The following ARID5B variants were observed in gnomAD, a reference collection of about 807,000 sequenced individuals.
The protein encoded by ARID5B is AT-rich interaction domain 5B, also known as AT-rich interactive domain-containing protein 5B.
In ARID5B, 13 loss-of-function variants were observed where a neutral mutation model predicts 97.2. The ratio of observed to expected loss-of-function variants is 0.13; its 90% CI spans 0.09 to 0.21. The LOEUF is 0.21. Among genes scored for constraint, ARID5B ranks in the 10% least tolerant of loss-of-function variants. The pLI is 1.00. For synonymous variants in ARID5B, 556 were observed against 570.3 expected (o/e 0.97, Z 0.36); for missense variants, 1,210 against 1,465.3 (o/e 0.83, Z 2.84).
intron 4 of ARID5B, among the ~76,000 whole-genome samples, chr10:62,006,271 T>C (rs1418128836): frequency 1.3e-5 from 2 of 152,040 alleles, no homozygotes; most frequent in Admixed American, 1.3e-4. Context: ...GTGAAACCTC[T>C]TCTCTACTAA....
chr10:61,983,612 A>G (rs1225249959), intron 3 of ARID5B, among the ~76,000 whole-genome samples: 1 of 152,188 alleles, frequency 6.6e-6, no homozygotes, highest in Non-Finnish European at 1.5e-5. Flanking sequence ...TGAGGAAAAA[A>G]AAATCACATC....
chr10:62,068,435 T>A, intron 7 of ARID5B, among the ~76,000 whole-genome samples: 1 of 152,110 alleles, frequency 6.6e-6, no homozygotes, highest in Admixed American at 6.6e-5. Context: ...CTATTTGAAA[T>A]AGAAAAGGTA....
chr10:62,015,178 G>A (rs1054081501), intron 4 of ARID5B, among the ~76,000 whole-genome samples: 5 of 152,330 alleles, frequency 3.3e-5, no homozygotes, highest in Middle Eastern at 6.8e-3. Context: ...TGAAGTGTTA[G>A]TAGGATAAAT....
chr10:61,943,997 G>C (rs1036430920), intron 3 of ARID5B, among the ~76,000 whole-genome samples: 1 of 152,106 alleles, frequency 6.6e-6, no homozygotes, highest in Non-Finnish European at 1.5e-5. Context: ...TAAAACTACA[G>C]ATCTGGATAG....
chr10:62,041,878 C>A (rs913757157), intron 4 of ARID5B, among the ~76,000 whole-genome samples: 3 of 152,120 alleles, frequency 2.0e-5, no homozygotes, highest in Non-Finnish European at 4.4e-5. Context: ...CTATTCAGTA[C>A]AAAAATGTTG....
intron 4 of ARID5B, chr10:62,025,335 C>G (rs1409625278): frequency 6.6e-6 from 1 of 152,066 alleles, no homozygotes. Context: ...GTAAAGAAAC[C>G]TCTTTATCTT....
intron 4 of ARID5B, among the ~76,000 whole-genome samples, chr10:62,019,567 G>A (rs1007687920): frequency 2.6e-5 from 4 of 152,176 alleles, no homozygotes; most frequent in African/African-American, 9.7e-5. Flanking sequence ...TTATTAGGCC[G>A]CCGGAGATAT....
chr10:62,002,499 C>G (rs1352173253), intron 4 of ARID5B, among the ~76,000 whole-genome samples: 1 of 152,152 alleles, frequency 6.6e-6, no homozygotes, highest in African/African-American at 2.4e-5. Flanking sequence ...TTCTTACAGA[C>G]TTTCATGTTA....
chr10:62,048,196 G>A (rs1564636274), intron 4 of ARID5B, among the ~76,000 whole-genome samples: 1 of 152,244 alleles, frequency 6.6e-6, no homozygotes, highest in South Asian at 2.1e-4. Flanking sequence ...AGAACAGTAT[G>A]TGGGCATCTT....
chr10:62,046,155 C>T lies in ARID5B; in HGVS notation c.734-4733C>T, dbSNP rs564812063. On this transcript the variant is annotated intron_variant, in intron 4 of 9. Coordinates refer to ENST00000279873, the MANE Select transcript of ARID5B (RefSeq NM_032199.3). ...TGATGAGTCAATCCAGCTTTTATAG[C>T]AGTTTATCTATCTTCGTGGTATTTC... Among the ~76,000 whole-genome samples, 22 of 152,146 alleles carry T rather than the reference C, an allele frequency of 1.4e-4. No individual in the cohort carries two copies. The East Asian group carries it at 2.3e-3, about 16-fold the overall frequency.
chr10:62,039,560 G>A (rs1839607723), intron 4 of ARID5B, among the ~76,000 whole-genome samples: 2 of 152,140 alleles, frequency 1.3e-5, no homozygotes, highest in South Asian at 2.1e-4. Context: ...TGTTGCTGCT[G>A]CCACAGGAAT....
In ARID5B at chr10:62,000,284, G is replaced by A. The variant is rs141100435; in HGVS notation, c.696G>A (p.Pro232=). 1,265 of 1,612,896 alleles carry A rather than the reference G, an allele frequency of 7.8e-4. 1 individual carries two copies. Among genetic ancestry groups the A allele is most frequent in the Non-Finnish European group, 1.0e-3 (1,208 of 1,179,574 alleles). Residue 232 remains proline (P), a synonymous_variant, in exon 4 of 10, where the codon CCG becomes CCA. Coordinates refer to ENST00000279873, the MANE Select transcript of ARID5B (RefSeq NM_032199.3). This position sits in a 1 kb window ranked among gnomAD's most constrained non-coding sequence, Gnocchi z 4.4. The part of the protein sequence containing the change: ...ILYCRDTFDH[P]TLIENESICD... The stretch of plus-strand genomic sequence containing the variant: ...ACTGTCGGGACACCTTTGACCACCC[G>A]ACTCTCATAGAAAACGAGAGTATAT...
chr10:62,026,023 G>A (rs1327084254), intron 4 of ARID5B, among the ~76,000 whole-genome samples: 1 of 152,224 alleles, frequency 6.6e-6, no homozygotes, highest in Non-Finnish European at 1.5e-5. Context: ...AACTGCTACA[G>A]CTGTTAGCTG....
At chr10:62,049,015 G>C (rs1839749089) in intron 4 of ARID5B, among the ~76,000 whole-genome samples, 1 of 152,156 alleles carries the variant, frequency 6.6e-6, no homozygotes, top group Admixed American at 6.5e-5. Context: ...TTAGCACTTG[G>C]GTCAGTTGTG....
At chr10:61,961,055 T>C (rs562710604) in intron 3 of ARID5B, among the ~76,000 whole-genome samples, 53 of 152,370 alleles carry the variant, frequency 3.5e-4, no homozygotes, top group South Asian at 2.3e-3. Flanking sequence ...ACTTGATACA[T>C]GGTAGCATTA....
chr10:62,082,806 T>A (rs906360563), intron 8 of ARID5B, among the ~76,000 whole-genome samples: 2 of 152,178 alleles, frequency 1.3e-5, no homozygotes, highest in Non-Finnish European at 2.9e-5. Context: ...TGTTGTACCA[T>A]GACAGGATAA....
rs146574592 is a variant in ARID5B at position 61,982,302 on chromosome 10, G to A, written c.503-17789G>A. On this transcript the variant is annotated intron_variant, in intron 3 of 9. Coordinates refer to ENST00000279873, the MANE Select transcript of ARID5B (RefSeq NM_032199.3). Reference sequence around the variant, plus strand: ...AAAAAAAGTCAGACACCCCAGAACCGAGCTAGAATTGTTGGACCAGTTTTC... The same window carrying A: ...AAAAAAAGTCAGACACCCCAGAACCAAGCTAGAATTGTTGGACCAGTTTTC... Among the ~76,000 whole-genome samples the A allele has an allele frequency of 4.9e-3, 740 of 152,246 alleles. 2 individuals are homozygous for A. Among genetic ancestry groups the A allele is most frequent in the Non-Finnish European group, 6.2e-3 (423 of 68,018 alleles).
At chr10:61,960,832 C>T (rs1298832812) in intron 3 of ARID5B, among the ~76,000 whole-genome samples, 1 of 152,210 alleles carries the variant, frequency 6.6e-6, no homozygotes, top group Non-Finnish European at 1.5e-5. Context: ...TTGGCAGCAA[C>T]ATAATGTAGT....
At chr10:61,929,966 G>C (rs561250218) in intron 2 of ARID5B, among the ~76,000 whole-genome samples, 1 of 152,378 alleles carries the variant, frequency 6.6e-6, no homozygotes, top group Admixed American at 6.5e-5. Context: ...AGGCTGTGCA[G>C]TTCCGCTGAG....
Sources: allele counts gnomAD v4.1 joint callset (sites outside exome capture counted in the v4.1 genomes callset), GRCh38; gene constraint gnomAD v4.1.1; non-coding constraint Gnocchi (gnomAD v3.1); transcripts MANE v1.5; gene names NCBI Gene and HGNC (gene_info 2026-07-23, HGNC 2026-07-21).